AGMO: variants seen among roughly 807,000 people sequenced by gnomAD.
AGMO encodes the protein alkylglycerol monooxygenase, also known as glyceryl-ether monooxygenase.
Under a neutral mutation model 60.2 loss-of-function variants are expected in AGMO, and 75 were observed. The ratio of observed to expected loss-of-function variants is 1.25; its 90% confidence interval spans 1.03 to 1.51. The LOEUF (loss-of-function observed/expected upper bound fraction) is 1.51. Ranked by LOEUF, AGMO falls within the 40% of genes most tolerant of loss-of-function variation. AGMO has a pLI of 0.00. For missense variants in AGMO, 763 were observed against 525.5 expected, an observed-to-expected ratio of 1.45 and a Z score of -4.42; for synonymous variants, 261 against 177.1, an observed-to-expected ratio of 1.47 and a Z score of -3.76.
intron 12 of AGMO, among the ~76,000 whole-genome samples, chr7:15,279,424 T>C (rs1214860536): frequency 6.6e-6 from 1 of 152,198 alleles, no homozygotes; most frequent in Non-Finnish European, 1.5e-5. Context: ...AGGTGTCCAC[T>C]AGCTGCTTCT....
chr7:15,515,614 G>C (rs1177938450), intron 3 of AGMO, among the ~76,000 whole-genome samples: 1 of 152,222 alleles, frequency 6.6e-6, no homozygotes, highest in Non-Finnish European at 1.5e-5. Flanking sequence ...GGCAATATCT[G>C]TCTCCAACTA....
At chr7:15,281,482 GAA>G (rs1783963436) in intron 12 of AGMO, among the ~76,000 whole-genome samples, 1 of 152,106 alleles carries the variant, frequency 6.6e-6, no homozygotes, top group Admixed American at 6.5e-5. Flanking sequence ...TCCTGTAGAT[GAA>G]AAGAGGTGCC....
chr7:15,396,929 C>T (rs1199785350), intron 5 of AGMO, among the ~76,000 whole-genome samples: 1 of 152,154 alleles, frequency 6.6e-6, no homozygotes, highest in Admixed American at 6.5e-5. Context: ...TCCAAGTCCC[C>T]TCACCTGATT....
chr7:15,161,404 ATCTC>A, the AGMO span, among the ~76,000 whole-genome samples: 4 of 150,342 alleles, frequency 2.7e-5, no homozygotes, highest in Admixed American at 6.6e-5. Context: ...AAATCTCTCT[ATCTC>A]TCTCTCTCTC....
At chr7:15,226,928 AC>A (rs2128498376) in intron 12 of AGMO, among the ~76,000 whole-genome samples, 1 of 152,208 alleles carries the variant, frequency 6.6e-6, no homozygotes, top group East Asian at 1.9e-4. Context: ...AGTATTTCCA[AC>A]AAAATACCAC....
At position 15,365,594 on chromosome 7, in the gene AGMO, G is replaced by C. The variant is rs80328842; in HGVS notation, c.1183C>G (p.Leu395Val). ...AGCATTAAGAACATCAAGCAACGGA[G>C]AGTTTCCATAATAGCTGCCTTGGGT... ...QRPKAAIMET[L>V]RCLMFLMLYR... Residue 395 changes from leucine (L) to valine (V), a missense_variant, in exon 12 of 13, where the codon CTC becomes GTC. Leu to Val is a conservative substitution (Grantham distance 32). Coordinates refer to ENST00000342526, the MANE Select transcript of AGMO (RefSeq NM_001004320.2). 720 of 1,612,550 alleles carry C rather than the reference G, an allele frequency of 4.5e-4. 2 individuals carry two copies. In the African/African-American group the frequency reaches 7.8e-3, roughly 17 times the overall value.
chr7:15,270,073 TAAATGCAG>T (rs1783549476), intron 12 of AGMO, among the ~76,000 whole-genome samples: 2 of 152,038 alleles, frequency 1.3e-5, no homozygotes, highest in Admixed American at 1.3e-4. Context: ...AAAAAAGATA[TAAATGCAG>T]GTGTCTTTCT....
At chr7:15,175,771 A>G in the AGMO span, among the ~76,000 whole-genome samples, 30 of 151,994 alleles carry the variant, frequency 2.0e-4, no homozygotes, top group Non-Finnish European at 5.9e-5. Context: ...AAAGCATAGT[A>G]TATAGATTAA....
chr7:15,144,496 G>T, the AGMO span, among the ~76,000 whole-genome samples: 3 of 152,262 alleles, frequency 2.0e-5, no homozygotes, highest in African/African-American at 7.2e-5. Flanking sequence ...AGTCAAAAAA[G>T]GTGTGTGAAG....
the AGMO span, among the ~76,000 whole-genome samples, chr7:15,171,225 C>T: frequency 6.6e-6 from 1 of 152,192 alleles, no homozygotes; most frequent in Non-Finnish European, 1.5e-5. Context: ...TCGTGATCCA[C>T]CTGCCTCAGC....
chr7:15,448,151 G>C (rs953318525), intron 3 of AGMO, among the ~76,000 whole-genome samples: 1 of 152,188 alleles, frequency 6.6e-6, no homozygotes, highest in Admixed American at 6.5e-5. Flanking sequence ...GCTATGGGCT[G>C]AATGTTTGTG....
intron 12 of AGMO, among the ~76,000 whole-genome samples, chr7:15,352,905 C>A (rs956267449): frequency 6.6e-6 from 1 of 151,952 alleles, no homozygotes; most frequent in African/African-American, 2.4e-5. Flanking sequence ...GGCTCTATAT[C>A]ATAAGATTGT....
At chr7:15,141,712 T>G in the AGMO span, among the ~76,000 whole-genome samples, 134,619 of 152,242 alleles carry the variant, frequency 0.88, 60,142 homozygotes, top group East Asian at 0.99. Flanking sequence ...ACCTTATAGA[T>G]GTTAAAACAC....
Position 15,561,933 on chromosome 7 carries a change from C to G in AGMO, c.-88G>C. ...TGAACAAAGAGGACGAGATGTGCAGCTCAGAACAAGCTCTTTGTCAGAGAA... is the reference window on the plus strand; with the variant it reads ...TGAACAAAGAGGACGAGATGTGCAGGTCAGAACAAGCTCTTTGTCAGAGAA... On this transcript the variant is annotated 5_prime_UTR_variant, in exon 1 of 13. Coordinates refer to ENST00000342526, the MANE Select transcript of AGMO (RefSeq NM_001004320.2). The G allele has an allele frequency of 7.2e-7, 1 of 1,392,274 alleles. No homozygotes were observed. The highest frequency in any genetic ancestry group is 9.7e-7 in the Non-Finnish European group (1 of 1,034,374). The allele number at this position is 1,392,274 out of a possible 1,614,324, so 86.2% of individuals were successfully genotyped here. A position where few individuals can be genotyped will look rare whatever the true frequency, so the allele number is the denominator to read the frequency against.
At chr7:15,292,086 G>C (rs1208258169) in intron 12 of AGMO, among the ~76,000 whole-genome samples, 1 of 152,044 alleles carries the variant, frequency 6.6e-6, no homozygotes, top group Non-Finnish European at 1.5e-5. Context: ...TTTTTTACAA[G>C]AGTGATACTG....
At chr7:15,401,024 A>G (rs1322870181) in intron 5 of AGMO, among the ~76,000 whole-genome samples, 1 of 152,132 alleles carries the variant, frequency 6.6e-6, no homozygotes, top group African/African-American at 2.4e-5. Flanking sequence ...ACCAGTCTGA[A>G]ATAATTTTCC....
intron 12 of AGMO, among the ~76,000 whole-genome samples, chr7:15,356,953 CAAA>C (rs917201250): frequency 2.9e-5 from 2 of 68,918 alleles, no homozygotes; most frequent in African/African-American, 5.6e-5. Context: ...ACTAAAATTA[CAAA>C]AAAAAAAAAA....
chr7:15,170,905 G>A, the AGMO span, among the ~76,000 whole-genome samples: 1 of 152,068 alleles, frequency 6.6e-6, no homozygotes, highest in Non-Finnish European at 1.5e-5. Context: ...GTATTTTGTA[G>A]AATGTTACTA....
At chr7:15,332,720 G>A (rs895377388) in intron 12 of AGMO, among the ~76,000 whole-genome samples, 27 of 151,914 alleles carry the variant, frequency 1.8e-4, no homozygotes, top group Non-Finnish European at 2.2e-4. Flanking sequence ...TACTTATCAG[G>A]TGCTTAATAA....
Sources: gnomAD v4.1 joint callset for allele counts (sites outside exome capture counted in the v4.1 genomes callset) on GRCh38, gnomAD v4.1.1 for gene constraint, MANE v1.5 for transcripts, NCBI Gene and HGNC (gene_info 2026-07-23, HGNC 2026-07-21) for gene names.